The following ABCC3 variants were observed in gnomAD, a reference collection of about 807,000 sequenced individuals.
ABCC3 encodes the protein ATP binding cassette subfamily C member 3.
A neutral mutation model predicts 165.3 loss-of-function variants in ABCC3; 121 were observed. The ratio of observed to expected loss-of-function variants is 0.73; its 90% confidence interval spans 0.63 to 0.85. ABCC3 has a LOEUF of 0.85. ABCC3 is among the 40% of genes least tolerant of loss of function. The pLI is 0.00. For missense variants in ABCC3, 1,869 were observed against 1,964.1 expected, an observed-to-expected ratio of 0.95 and a Z score of 0.92; for synonymous variants, 733 against 810.1, an observed-to-expected ratio of 0.90 and a Z score of 1.62.
At chr17:50,647,900 G>C (rs1016585609) in intron 1 of ABCC3, among the ~76,000 whole-genome samples, 1 of 152,082 alleles carries the variant, frequency 6.6e-6, no homozygotes, top group Admixed American at 6.6e-5. Context: ...TTGGCCGGGC[G>C]TGGTGGTGGA....
intron 1 of ABCC3, among the ~76,000 whole-genome samples, chr17:50,646,277 C>T (rs1332345008): frequency 6.6e-6 from 1 of 151,984 alleles, no homozygotes; most frequent in East Asian, 1.9e-4. Flanking sequence ...ACAGGAGCAG[C>T]AAGTGCATTT....
chr17:50,676,701 T>C (rs774075736), intron 23 of ABCC3, 113 bp downstream of exon 23: 80 of 1,038,010 alleles, frequency 7.7e-5, no homozygotes, highest in Admixed American at 2.8e-4. Context: ...CAGAGTTTTG[T>C]TAGGGGCAGT....
chr17:50,656,564 C>T, intron 2 of ABCC3, 138 bp from the exon 3 acceptor site: 4 of 1,197,138 alleles, frequency 3.3e-6, no homozygotes, highest in Non-Finnish European at 4.7e-6. Flanking sequence ...AGCTTCTGGT[C>T]AGCTCCATTC....
Position 50,676,420 on chromosome 17 carries a change from C to G in ABCC3, c.3210C>G (p.Asn1070Lys), listed in dbSNP as rs1277124682. Residue 1070 changes from asparagine to lysine, a missense_variant, in exon 23 of 31, where the codon AAC becomes AAG. Coordinates refer to ENST00000285238, the MANE Select transcript of ABCC3 (RefSeq NM_003786.4). ...FDTTPSGRILNCFSKDIYVVD... is the reference protein window; with the variant it reads ...FDTTPSGRILKCFSKDIYVVD... ...CCACACCATCAGGCCGCATCCTGAA[C>G]TGCTTCTCCAAGGACATCTATGTCG... The G allele has an allele frequency of 6.2e-7, 1 of 1,614,134 alleles. No homozygotes were observed. The highest frequency in any genetic ancestry group is 1.3e-5 in the African/African-American group (1 of 74,930).
chr17:50,677,944 G>C lies in ABCC3; in HGVS notation c.3578+1G>C. The C allele has an allele frequency of 6.2e-7, 1 of 1,614,102 alleles. No homozygotes were observed. Among genetic ancestry groups the C allele is most frequent in the Non-Finnish European group, 8.5e-7 (1 of 1,180,024 alleles). On this transcript the variant is annotated splice_donor_variant, in intron 24 of 30. Coordinates refer to ENST00000285238, the MANE Select transcript of ABCC3 (RefSeq NM_003786.4). LOFTEE classifies it high-confidence loss of function. The stretch of plus-strand genomic sequence containing the variant: ...GCTACCCCTACATCATCTCCAACCG[G>C]TCAGAAGCCGCCTCCCTCGCTCCCT...
At position 50,676,536 on chromosome 17, in the gene ABCC3, C is replaced by T. The variant is rs564256468; in HGVS notation, c.3326C>T (p.Pro1109Leu). 380 of 1,614,018 alleles carry T rather than the reference C, an allele frequency of 2.4e-4. 9 individuals carry two copies. In the South Asian group the frequency reaches 3.7e-3, roughly 16 times the overall value. The change falls in exon 23 of 31, where the codon CCG (proline) becomes CTG (leucine). Residue 1109 changes from proline (P) to leucine (L), a missense_variant. Physicochemically the swap from Pro to Leu is moderately conservative, Grantham distance 98 (BLOSUM62 -3). Transcript: ENST00000285238. ...CTTGTGGTCATCATGGCCAGCACGC[C>T]GCTCTTCACTGTGGTCATCCTGCCC... ...STLVVIMAST[P>L]LFTVVILPLA...
At chr17:50,668,348 C>G (rs545851813) in intron 13 of ABCC3, 82 bp from the exon 14 acceptor site, 51 of 1,275,880 alleles carry the variant, frequency 4.0e-5, no homozygotes, top group Non-Finnish European at 5.4e-5. Context: ...CTGCCTAGCC[C>G]AGGATGCTGG....
intron 1 of ABCC3, among the ~76,000 whole-genome samples, chr17:50,653,042 A>G (rs1055490954): frequency 2.0e-5 from 3 of 152,080 alleles, no homozygotes; most frequent in African/African-American, 7.2e-5. Flanking sequence ...TCTGACACCA[A>G]TCTGTTAAAA....
At chr17:50,655,708 C>G in intron 1 of ABCC3, 124 bp from the exon 2 acceptor site, 2 of 839,648 alleles carry the variant, frequency 2.4e-6, no homozygotes, top group Non-Finnish European at 3.7e-6. Flanking sequence ...CTCTCTCCTC[C>G]TCACCTGTCT....
At chr17:50,681,980 C>T (rs1967936600) in intron 26 of ABCC3, among the ~76,000 whole-genome samples, 1 of 152,112 alleles carries the variant, frequency 6.6e-6, no homozygotes, top group African/African-American at 2.4e-5. Context: ...CATGGATACC[C>T]ATGCTCCTGT....
chr17:50,667,532 G>T, intron 11 of ABCC3, 22 bp from the exon 12 acceptor site: 2 of 1,593,740 alleles, frequency 1.3e-6, no homozygotes, highest in South Asian at 2.2e-5. Context: ...GTGTGCCACT[G>T]ACACTCTTTC....
At chr17:50,682,700 C>T (rs1967949492) in intron 26 of ABCC3, among the ~76,000 whole-genome samples, 1 of 152,214 alleles carries the variant, frequency 6.6e-6, no homozygotes, top group Non-Finnish European at 1.5e-5. Context: ...TTCTTGGCCC[C>T]AGCACTCATC....
intron 8 of ABCC3, chr17:50,663,217 T>G: frequency 5.9e-6 from 1 of 168,912 alleles, no homozygotes; most frequent in Non-Finnish European, 1.3e-5. Flanking sequence ...CGGGGGCGGA[T>G]TAGGGACCTA....
At chr17:50,649,300 G>C (rs564632660) in intron 1 of ABCC3, among the ~76,000 whole-genome samples, 1 of 152,250 alleles carries the variant, frequency 6.6e-6, no homozygotes, top group South Asian at 2.1e-4. Context: ...TTAATGGACA[G>C]AGAAAGGAAT....
chr17:50,683,889 T>A, intron 27 of ABCC3, 60 bp from the exon 28 acceptor site: 1 of 1,588,596 alleles, frequency 6.3e-7, no homozygotes. Flanking sequence ...AGGAGAGTCC[T>A]GGAGATGCGC....
intron 30 of ABCC3, among the ~76,000 whole-genome samples, chr17:50,689,852 C>A (rs1469294457): frequency 6.6e-6 from 1 of 152,206 alleles, no homozygotes; most frequent in Non-Finnish European, 1.5e-5. Flanking sequence ...CTGTTTCATT[C>A]ACCAGCAGCC....
At chr17:50,637,283 G>C (rs1452568083) in intron 1 of ABCC3, among the ~76,000 whole-genome samples, 3 of 152,172 alleles carry the variant, frequency 2.0e-5, no homozygotes, top group Non-Finnish European at 4.4e-5. Flanking sequence ...AGAGAAAGGA[G>C]GCTCCCAGCT....
At chr17:50,664,693 ACT>A (rs1431044530) in intron 10 of ABCC3, 1 of 152,928 alleles carries the variant, frequency 6.5e-6, no homozygotes, top group Non-Finnish European at 1.3e-5. Flanking sequence ...ACAGAGCAAG[ACT>A]CTGTCTCAAA....
chr17:50,674,812 TTTTTG>T (rs1454844587), intron 19 of ABCC3, among the ~76,000 whole-genome samples: 116 of 151,434 alleles, frequency 7.7e-4, no homozygotes, highest in African/African-American at 2.6e-3. Flanking sequence ...TTTTTTTTTT[TTTTTG>T]GGGACAGTTT....
Sources: allele counts gnomAD v4.1 joint callset (sites outside exome capture counted in the v4.1 genomes callset), GRCh38; gene constraint gnomAD v4.1.1; transcripts MANE v1.5; gene names NCBI Gene and HGNC (gene_info 2026-07-23, HGNC 2026-07-21).